Variants in CFAP91 observed in about 807,000 individuals in gnomAD.
The protein encoded by CFAP91 is cilia and flagella associated protein 91.
In CFAP91, 85 loss-of-function variants were observed where a neutral mutation model predicts 95.9. The observed-to-expected ratio is 0.89, with a 90% CI of 0.74 to 1.06. The LOEUF (loss-of-function observed/expected upper bound fraction) is 1.06. CFAP91 is among the 50% of genes least tolerant of loss of function. The pLI, the probability that CFAP91 is intolerant of heterozygous loss-of-function variation, is 0.00. For synonymous variants in CFAP91, 335 were observed against 327.5 expected (o/e 1.02, Z -0.25); for missense variants, 962 against 943.4 (o/e 1.02, Z -0.26).
chr3:119,733,223 A>C, intron 9 of CFAP91, 141 bp from the exon 10 acceptor site: 1 of 726,834 alleles, frequency 1.4e-6, no homozygotes, highest in South Asian at 2.2e-5. Flanking sequence ...TTTCAGGGAC[A>C]CTTCATTCTA....
At chr3:119,743,845 TC>T in intron 13 of CFAP91, 129 bp from the exon 14 acceptor site, 2 of 817,940 alleles carry the variant, frequency 2.4e-6, no homozygotes, top group Non-Finnish European at 1.9e-6. Flanking sequence ...GAGGTAATAT[TC>T]CCAGTAAAAA....
intron 10 of CFAP91, among the ~76,000 whole-genome samples, chr3:119,736,823 A>C (rs1430274690): frequency 1.3e-5 from 2 of 151,922 alleles, no homozygotes; most frequent in African/African-American, 4.8e-5. Flanking sequence ...AACCATGTCT[A>C]GTCAGTGGTT....
In CFAP91 at chr3:119,726,230, C is replaced by A; in HGVS notation, c.742C>A (p.Arg248Ser). The A allele has an allele frequency of 1.2e-6, 2 of 1,613,574 alleles. No individual in the cohort carries two copies. Among genetic ancestry groups the A allele is most frequent in the Non-Finnish European group, 1.7e-6 (2 of 1,179,782 alleles). Residue 248 changes from arginine to serine, a missense_variant, in exon 7 of 18, where the codon CGT becomes AGT. By Grantham distance (110) the Arg-to-Ser change is moderately radical. Coordinates refer to ENST00000273390, the MANE Select transcript of CFAP91 (RefSeq NM_033364.4). Reference protein sequence around the residue: ...VEMIERAREKRAWEASLPALS... With the variant: ...VEMIERAREKSAWEASLPALS... ...GATGATAGAAAGAGCCCGCGAGAAG[C>A]GTGCTTGGGAAGCCTCTCTCCCCGC...
intron 10 of CFAP91, among the ~76,000 whole-genome samples, chr3:119,736,705 A>G (rs942619465): frequency 1.3e-5 from 2 of 152,134 alleles, no homozygotes; most frequent in African/African-American, 4.8e-5. Context: ...CCAGGTTTTA[A>G]CACATCTCAG....
intron 6 of CFAP91, among the ~76,000 whole-genome samples, chr3:119,717,736 C>T (rs1245061552): frequency 1.3e-5 from 2 of 152,056 alleles, no homozygotes; most frequent in Non-Finnish European, 2.9e-5. Flanking sequence ...TCATGCATGC[C>T]CGTGATTACC....
rs1461251860 is a variant in CFAP91 at position 119,747,815 on chromosome 3, A to G, written c.2056A>G (p.Thr686Ala). ...DIAYEMESRRTYLQSEEIVAE... is the reference protein window; with the variant it reads ...DIAYEMESRRAYLQSEEIVAE... ...AATTTGTTTTATATTTTTTAGCCGAACCTATCTTCAGTCAGAGGAGATTGT... is the reference window on the plus strand; with the variant it reads ...AATTTGTTTTATATTTTTTAGCCGAGCCTATCTTCAGTCAGAGGAGATTGT... The change falls in exon 16 of 18, where the codon ACC (threonine) becomes GCC (alanine). Residue 686 changes from threonine (T) to alanine (A), a missense_variant. By Grantham distance (58) the Thr-to-Ala change is moderately conservative (BLOSUM62 0). Transcript: ENST00000273390. 35 of 1,611,610 alleles carry G rather than the reference A, an allele frequency of 2.2e-5. No individual in the cohort carries two copies. The highest frequency in any genetic ancestry group is 2.8e-5 in the Non-Finnish European group (33 of 1,179,134).
Position 119,708,655 on chromosome 3 carries a change from C to T in CFAP91, c.424C>T (p.Arg142Cys), listed in dbSNP as rs1393302709. The stretch of plus-strand genomic sequence containing the variant: ...AGATCCTGAAGTTACTGGAAAGAAT[C>T]GCTATAAATACTTTGAAAGGTAGAA... ...YEDPEVTGKN[R>C]YKYFERPFLP... The change falls in exon 4 of 18, where the codon CGC (arginine) becomes TGC (cysteine). Residue 142 changes from arginine (R) to cysteine (C), a missense_variant. Arg to Cys is a radical substitution (Grantham distance 180). Transcript: ENST00000273390. 2.5e-6 allele frequency: 4 copies of T among 1,592,696 alleles called. No individual in the cohort carries two copies. The Admixed American group carries it at 5.1e-5, about 20-fold the overall frequency.
intron 14 of CFAP91, among the ~76,000 whole-genome samples, chr3:119,746,592 G>T (rs899015875): frequency 6.6e-6 from 1 of 152,210 alleles, no homozygotes; most frequent in African/African-American, 2.4e-5. Flanking sequence ...TTCCCTTTAA[G>T]AATCCTTTCT....
chr3:119,723,985 C>T (rs1269879204), intron 6 of CFAP91, among the ~76,000 whole-genome samples: 3 of 151,684 alleles, frequency 2.0e-5, no homozygotes, highest in African/African-American at 7.3e-5. Context: ...CATGGTGAAA[C>T]CCTGTCTCTA....
chr3:119,759,811 C>T (rs2054501988), intron 17 of CFAP91, among the ~76,000 whole-genome samples: 1 of 151,830 alleles, frequency 6.6e-6, no homozygotes, highest in Non-Finnish European at 1.5e-5. Context: ...TTTAAAATAG[C>T]CTATTGTAAC....
At chr3:119,727,703 T>C (rs1025474138) in intron 7 of CFAP91, among the ~76,000 whole-genome samples, 15 of 152,136 alleles carry the variant, frequency 9.9e-5, no homozygotes, top group Admixed American at 9.8e-4. Flanking sequence ...TATCAGGTGA[T>C]GTGCTGTTCT....
intron 6 of CFAP91, among the ~76,000 whole-genome samples, chr3:119,720,632 G>C (rs2053666648): frequency 6.6e-6 from 1 of 152,042 alleles, no homozygotes; most frequent in South Asian, 2.1e-4. Flanking sequence ...CTTCTTTCAG[G>C]AAACACAGAA....
At chr3:119,759,333 A>T (rs1281488350) in intron 17 of CFAP91, among the ~76,000 whole-genome samples, 1 of 152,028 alleles carries the variant, frequency 6.6e-6, no homozygotes, top group Non-Finnish European at 1.5e-5. Flanking sequence ...TGTAAAAATA[A>T]AATAAAAATC....
At chr3:119,728,292 A>G (rs2053825426) in intron 7 of CFAP91, among the ~76,000 whole-genome samples, 1 of 152,150 alleles carries the variant, frequency 6.6e-6, no homozygotes, top group African/African-American at 2.4e-5. Context: ...CATCAACATT[A>G]CCTTGGAACT....
intron 1 of CFAP91, 22 bp downstream of exon 1, chr3:119,703,244 C>A (rs745330584): frequency 6.2e-7 from 1 of 1,609,604 alleles, no homozygotes; most frequent in East Asian, 2.2e-5. Flanking sequence ...CGCAGACCTT[C>A]CTCCGCGTCC....
Position 119,715,658 on chromosome 3 carries a change from C to T in CFAP91, c.597C>T (p.Asp199=), listed in dbSNP as rs1041983496. ...CTCAGACTGATTATCGGGATGCTGA[C>T]GTTCAAACAGATCCATACTCTGCAG... ...VGTQTDYRDA[D]VQTDPYSAEY... Residue 199 remains aspartate (D), a synonymous_variant, in exon 6 of 18, where the codon GAC becomes GAT. Transcript: ENST00000273390. 6.2e-6 allele frequency: 10 copies of T among 1,613,300 alleles called. No homozygotes were observed. The highest frequency in any genetic ancestry group is 8.5e-6 in the Non-Finnish European group (10 of 1,179,374).
At chr3:119,740,470 A>G (rs773589277) in intron 12 of CFAP91, 79 bp from the exon 13 acceptor site, 4 of 1,519,258 alleles carry the variant, frequency 2.6e-6, no homozygotes, top group Non-Finnish European at 3.6e-6. Flanking sequence ...GTGTCTCACA[A>G]GTCACTGCGT....
chr3:119,720,205 G>A (rs1443805961), intron 6 of CFAP91, among the ~76,000 whole-genome samples: 2 of 151,150 alleles, frequency 1.3e-5, no homozygotes, highest in East Asian at 3.9e-4. Context: ...TGGCTAACAT[G>A]GTGAAACCCT....
chr3:119,745,304 A>G (rs895742415), intron 14 of CFAP91, among the ~76,000 whole-genome samples: 1 of 152,202 alleles, frequency 6.6e-6, no homozygotes, highest in South Asian at 2.1e-4. Context: ...TAAACCAGAA[A>G]TGTAATATTT....
Sources: allele counts gnomAD v4.1 joint callset (sites outside exome capture counted in the v4.1 genomes callset), GRCh38; gene constraint gnomAD v4.1.1; transcripts MANE v1.5; gene names NCBI Gene and HGNC (gene_info 2026-07-23, HGNC 2026-07-21).